Variants in NMNAT3 observed in about 807,000 individuals in gnomAD.
NMNAT3 encodes the protein nicotinamide/nicotinic acid mononucleotide adenylyltransferase 3.
NMNAT3 carries 21 observed loss-of-function variants against 24.8 expected under a neutral mutation model. The observed-to-expected ratio is 0.85, with a 90% confidence interval of 0.60 to 1.22. The LOEUF is 1.22. Among genes scored for constraint, NMNAT3 ranks in the 50% most tolerant of loss-of-function variants. The probability of loss-of-function intolerance (pLI) is 0.00; values close to 1 mark genes in which losing one functional copy is unlikely to be tolerated. For synonymous variants in NMNAT3, 136 were observed against 155.2 expected (o/e 0.88, Z 0.92); for missense variants, 387 against 436.6 (o/e 0.89, Z 1.01).
At chr3:139,574,782 G>A (rs963397713) in intron 5 of NMNAT3, among the ~76,000 whole-genome samples, 1 of 152,212 alleles carries the variant, frequency 6.6e-6, no homozygotes, top group African/African-American at 2.4e-5. Flanking sequence ...TCTACACTGA[G>A]TATCAAAAGA....
At chr3:139,677,604 G>A (rs1198402220) in intron 1 of NMNAT3, 101 bp downstream of exon 1, 1 of 152,256 alleles carries the variant, frequency 6.6e-6, no homozygotes, top group Non-Finnish European at 1.5e-5. Flanking sequence ...CCCCAGCGGG[G>A]ACTCCCAGGA....
intron 1 of NMNAT3, among the ~76,000 whole-genome samples, chr3:139,674,240 T>C (rs1378604469): frequency 2.6e-5 from 4 of 152,230 alleles, no homozygotes; most frequent in Non-Finnish European, 5.9e-5. Flanking sequence ...TCAGATTCTC[T>C]CTAGCAATAG....
At chr3:139,667,883 C>T (rs536050433) in intron 1 of NMNAT3, among the ~76,000 whole-genome samples, 1 of 152,250 alleles carries the variant, frequency 6.6e-6, no homozygotes, top group East Asian at 1.9e-4. Context: ...TAGTCTAGAA[C>T]AAACAAAACA....
chr3:139,660,666 T>C (rs774066442), intron 1 of NMNAT3, among the ~76,000 whole-genome samples: 4 of 152,256 alleles, frequency 2.6e-5, no homozygotes, highest in Admixed American at 6.5e-5. Flanking sequence ...GATGTCTCTA[T>C]TAAAGATACT....
chr3:139,608,715 C>A (rs2055055285), intron 3 of NMNAT3, among the ~76,000 whole-genome samples: 1 of 152,196 alleles, frequency 6.6e-6, no homozygotes. Flanking sequence ...ATCCACTGAT[C>A]TTACTCAAAA....
chr3:139,604,032 G>T (rs6769143), intron 3 of NMNAT3, among the ~76,000 whole-genome samples: 6,095 of 152,248 alleles, frequency 0.04, 378 homozygotes, highest in African/African-American at 0.14. Context: ...GAATCCTGAG[G>T]TCTAAGGTCT....
intron 3 of NMNAT3, among the ~76,000 whole-genome samples, chr3:139,618,500 GTAGT>G (rs1302013710): frequency 2.0e-5 from 3 of 151,486 alleles, no homozygotes; most frequent in East Asian, 1.9e-4. Flanking sequence ...AGGCCCAAAA[GTAGT>G]TAGTGCTACT....
intron 1 of NMNAT3, among the ~76,000 whole-genome samples, chr3:139,642,084 C>G (rs1174467484): frequency 6.6e-6 from 1 of 152,206 alleles, no homozygotes; most frequent in Non-Finnish European, 1.5e-5. Flanking sequence ...TTCCCTCCCT[C>G]CCCTGGACAC....
At position 139,580,958 on chromosome 3, in the gene NMNAT3, C is replaced by G. The variant is rs556866903; in HGVS notation, c.392-1903G>C. ...ATTGGTTAACCATACAATTTATCAG[C>G]TAAAAGGTTCATTTCTGAGAGTGAA... On this transcript the variant is annotated intron_variant, in intron 4 of 6. Coordinates refer to ENST00000643695, the MANE Select transcript of NMNAT3 (RefSeq NM_001320510.2). Among the ~76,000 whole-genome samples the G allele has an allele frequency of 6.6e-5, 10 of 152,198 alleles. No homozygotes were observed. The South Asian group carries it at 2.1e-3, about 32-fold the overall frequency.
chr3:139,616,034 G>A (rs2108273826), intron 3 of NMNAT3, among the ~76,000 whole-genome samples: 1 of 152,216 alleles, frequency 6.6e-6, no homozygotes, highest in South Asian at 2.1e-4. Flanking sequence ...ATTCACAAGA[G>A]GACTGTTGCT....
intron 3 of NMNAT3, among the ~76,000 whole-genome samples, chr3:139,598,613 C>T (rs947695600): frequency 1.3e-5 from 2 of 152,088 alleles, no homozygotes; most frequent in African/African-American, 4.8e-5. Context: ...AGCTGAGTCC[C>T]CAGGTATCAT....
chr3:139,663,977 T>G (rs1167311813), intron 1 of NMNAT3, among the ~76,000 whole-genome samples: 1 of 152,192 alleles, frequency 6.6e-6, no homozygotes, highest in African/African-American at 2.4e-5. Context: ...TTTTTTCCCC[T>G]GAATTCCCAG....
chr3:139,627,691 A>G lies in NMNAT3; in HGVS notation c.34T>C (p.Cys12Arg). The change falls in exon 3 of 7, where the codon TGT (cysteine) becomes CGT (arginine). Residue 12 changes from cysteine (C) to arginine (R), a missense_variant. Around this residue, in one of 3 missense-constraint regions of NMNAT3, gnomAD observed 51 missense variants for 55.6 expected, o/e 0.92. Transcript: ENST00000643695. ...TTGGTGATGGGGTTAAAGGAGCCAC[A>G]GGCCAGGAGCACCACAGGTATTCGG... is the stretch of plus-strand genomic sequence containing the variant. 1 of 1,596,112 alleles carries G rather than the reference A, an allele frequency of 6.3e-7. No homozygotes were observed. The highest frequency in any genetic ancestry group is 8.5e-7 in the Non-Finnish European group (1 of 1,178,510).
At chr3:139,643,172 A>G (rs2056763488) in intron 1 of NMNAT3, among the ~76,000 whole-genome samples, 1 of 152,226 alleles carries the variant, frequency 6.6e-6, no homozygotes, top group South Asian at 2.1e-4. Flanking sequence ...ATGAGAAACC[A>G]CGTCCTGTTA....
At chr3:139,657,067 A>T (rs561309093) in intron 1 of NMNAT3, among the ~76,000 whole-genome samples, 2 of 152,206 alleles carry the variant, frequency 1.3e-5, no homozygotes, top group African/African-American at 4.8e-5. Flanking sequence ...CTTCTTTCTG[A>T]TGGGGACACA....
At chr3:139,591,019 A>G (rs4683556) in intron 3 of NMNAT3, among the ~76,000 whole-genome samples, 139,453 of 152,012 alleles carry the variant, frequency 0.92, 65,115 homozygotes, top group Non-Finnish European at 1. Context: ...TGAGAGCGAC[A>G]CAGAAGACGG....
chr3:139,573,911 A>G (rs1382760128), intron 5 of NMNAT3, among the ~76,000 whole-genome samples: 2 of 152,180 alleles, frequency 1.3e-5, no homozygotes, highest in African/African-American at 2.4e-5. Context: ...TCCATGTGAC[A>G]TGGGTGAAGG....
intron 1 of NMNAT3, among the ~76,000 whole-genome samples, chr3:139,640,762 G>A (rs1353991658): frequency 6.6e-6 from 1 of 152,172 alleles, no homozygotes; most frequent in African/African-American, 2.4e-5. Flanking sequence ...CCAATTTCGT[G>A]TAATATAACT....
intron 5 of NMNAT3, chr3:139,576,409 A>G (rs937353285): frequency 1.0e-5 from 3 of 301,380 alleles, no homozygotes; most frequent in Non-Finnish European, 1.5e-5. Flanking sequence ...GGTTGCACAA[A>G]ATACATATGG....
Sources: allele counts gnomAD v4.1 joint callset (sites outside exome capture counted in the v4.1 genomes callset), GRCh38; gene constraint gnomAD v4.1.1; regional missense constraint gnomAD v4.1.1; transcripts MANE v1.5; gene names NCBI Gene and HGNC (gene_info 2026-07-23, HGNC 2026-07-21).